Variants in DRC1 observed in about 807,000 individuals in gnomAD.
DRC1 encodes the protein dynein regulatory complex protein 1.
Under a neutral mutation model 98.7 loss-of-function variants are expected in DRC1, and 74 were observed. The ratio of observed to expected loss-of-function variants is 0.75; its 90% CI spans 0.62 to 0.91. DRC1 has a LOEUF of 0.91. Among genes scored for constraint, DRC1 ranks in the 40% least tolerant of loss-of-function variants. The pLI, the probability that DRC1 is intolerant of heterozygous loss-of-function variation, is 0.00. For missense variants in DRC1, 875 were observed against 886.0 expected, an observed-to-expected ratio of 0.99 and a Z score of 0.16; for synonymous variants, 336 against 334.1, an observed-to-expected ratio of 1.01 and a Z score of -0.06.
At chr2:26,434,099 C>G (rs1163480509) in intron 7 of DRC1, among the ~76,000 whole-genome samples, 4 of 152,204 alleles carry the variant, frequency 2.6e-5, no homozygotes, top group African/African-American at 9.7e-5. Flanking sequence ...CAAATTTGCT[C>G]TTTGCAACTA....
chr2:26,431,745 C>T (rs1056783926), intron 6 of DRC1, 139 bp from the exon 7 acceptor site: 3 of 1,390,156 alleles, frequency 2.2e-6, no homozygotes, highest in Non-Finnish European at 2.9e-6. Context: ...GTATTCAGGA[C>T]TTCTGAAAGC....
At position 26,454,658 on chromosome 2, in the gene DRC1, C is replaced by A. The variant is rs1310552578; in HGVS notation, c.1931C>A (p.Ala644Asp). 1 of 1,613,914 alleles carries A rather than the reference C, an allele frequency of 6.2e-7. No homozygotes were observed. Among genetic ancestry groups the A allele is most frequent in the Non-Finnish European group, 8.5e-7 (1 of 1,180,016 alleles). The change falls in exon 15 of 17, where the codon GCC (alanine) becomes GAC (aspartate). Residue 644 changes from alanine to aspartate, a missense_variant. Ala to Asp is a moderately radical substitution (Grantham distance 126). Transcript: ENST00000288710. This position sits in a 1 kb window ranked among gnomAD's most constrained non-coding sequence, Gnocchi z 5.2. ...MGLKKPRDSRAPLRVQKNVRD... is the reference protein window; with the variant it reads ...MGLKKPRDSRDPLRVQKNVRD... ...CTCTTGGCCTTCAGGGACTCGCGGG[C>A]CCCGCTGAGGGTACAGAAGAATGTG...
chr2:26,444,406 G>A (rs760988835), intron 9 of DRC1, 50 bp downstream of exon 9: 14 of 1,586,678 alleles, frequency 8.8e-6, no homozygotes, highest in East Asian at 2.2e-5. Context: ...TAGAGGTGAC[G>A]GGGATGGAGT....
intron 12 of DRC1, 43 bp downstream of exon 12, chr2:26,450,128 C>A (rs368051632): frequency 1.9e-6 from 3 of 1,573,784 alleles, no homozygotes; most frequent in African/African-American, 1.4e-5. Context: ...GGGCTGCAGC[C>A]GGCCGTGTTC....
At chr2:26,456,050 G>A (rs147370673) in intron 16 of DRC1, among the ~76,000 whole-genome samples, 1 of 152,344 alleles carries the variant, frequency 6.6e-6, no homozygotes, top group African/African-American at 2.4e-5. Flanking sequence ...AGTGAACCTT[G>A]GCCTCATAAT....
intron 2 of DRC1, among the ~76,000 whole-genome samples, chr2:26,420,246 A>G (rs1319339710): frequency 6.6e-6 from 1 of 152,168 alleles, no homozygotes; most frequent in Non-Finnish European, 1.5e-5. Context: ...CTGATCAGAT[A>G]GTATTCTAGG....
chr2:26,429,588 G>A, intron 4 of DRC1, 40 bp from the exon 5 acceptor site: 1 of 1,607,202 alleles, frequency 6.2e-7, no homozygotes, highest in Non-Finnish European at 8.5e-7. Flanking sequence ...TTCTGCTCCT[G>A]ACACAGTTTG....
chr2:26,455,314 G>A, intron 16 of DRC1, 81 bp downstream of exon 16: 3 of 1,333,668 alleles, frequency 2.2e-6, no homozygotes, highest in Non-Finnish European at 3.2e-6. Context: ...TAGGGAACGA[G>A]GAGTCCCCTC....
chr2:26,403,607 C>A (rs979911698), intron 1 of DRC1, among the ~76,000 whole-genome samples: 3 of 151,950 alleles, frequency 2.0e-5, no homozygotes, highest in Admixed American at 6.6e-5. Flanking sequence ...CCAGCCTGGC[C>A]AACATGGCGA....
chr2:26,435,830 G>A (rs1033091174), intron 7 of DRC1, among the ~76,000 whole-genome samples: 1 of 151,046 alleles, frequency 6.6e-6, no homozygotes, highest in African/African-American at 2.4e-5. Context: ...TGGTGTATAC[G>A]TACCACATTT....
intron 1 of DRC1, among the ~76,000 whole-genome samples, chr2:26,403,708 T>A (rs1397173018): frequency 6.6e-6 from 1 of 150,814 alleles, no homozygotes; most frequent in Non-Finnish European, 1.5e-5. Context: ...GGCAGGAGAA[T>A]TGCTCGAACC....
intron 8 of DRC1, 52 bp downstream of exon 8, chr2:26,440,569 GGGAT>G: frequency 6.4e-7 from 1 of 1,555,258 alleles, no homozygotes; most frequent in South Asian, 1.2e-5. Flanking sequence ...GCTGAGAATA[GGGAT>G]GGATATGTAC....
intron 10 of DRC1, among the ~76,000 whole-genome samples, chr2:26,447,357 C>G (rs1465628591): frequency 6.6e-6 from 1 of 151,708 alleles, no homozygotes; most frequent in Non-Finnish European, 1.5e-5. Flanking sequence ...AGGTTGCAGT[C>G]AGCCGAGATT....
intron 8 of DRC1, among the ~76,000 whole-genome samples, chr2:26,441,758 G>A (rs1413415351): frequency 6.6e-6 from 1 of 152,120 alleles, no homozygotes; most frequent in African/African-American, 2.4e-5. Context: ...GCAGAGCTTG[G>A]GTTTGATGCG....
chr2:26,441,654 A>G (rs1414751636), intron 8 of DRC1, among the ~76,000 whole-genome samples: 1 of 152,174 alleles, frequency 6.6e-6, no homozygotes, highest in Non-Finnish European at 1.5e-5. Flanking sequence ...GGCAGCTGGG[A>G]ATGGCTGGTC....
At chr2:26,422,670 C>G (rs150313576) in intron 3 of DRC1, among the ~76,000 whole-genome samples, 364 of 152,314 alleles carry the variant, frequency 2.4e-3, no homozygotes, top group Middle Eastern at 0.017. Context: ...AATCCCAGCA[C>G]TTTGGGAGGC....
chr2:26,408,456 C>T (rs1016409749), intron 1 of DRC1, among the ~76,000 whole-genome samples: 2 of 152,054 alleles, frequency 1.3e-5, no homozygotes, highest in Non-Finnish European at 2.9e-5. Flanking sequence ...GGAATCCGAC[C>T]AGCCCCAAAA....
chr2:26,444,971 G>A (rs375313688), intron 10 of DRC1, 23 bp downstream of exon 10: 13 of 1,605,368 alleles, frequency 8.1e-6, no homozygotes, highest in Non-Finnish European at 1.0e-5. Flanking sequence ...CTGTCATAGA[G>A]CCTTAGAGCT....
At chr2:26,405,215 G>A (rs1414292338) in intron 1 of DRC1, among the ~76,000 whole-genome samples, 3 of 152,118 alleles carry the variant, frequency 2.0e-5, no homozygotes, top group Admixed American at 6.5e-5. Context: ...CCTATGAGTT[G>A]TATTCTTGTT....
Sources: gnomAD v4.1 joint callset for allele counts (sites outside exome capture counted in the v4.1 genomes callset) on GRCh38, gnomAD v4.1.1 for gene constraint, Gnocchi (gnomAD v3.1) non-coding constraint, MANE v1.5 for transcripts, NCBI Gene and HGNC (gene_info 2026-07-23, HGNC 2026-07-21) for gene names.